Variants in HHAT observed in about 807,000 individuals in gnomAD.
HHAT encodes the protein protein-cysteine N-palmitoyltransferase HHAT.
A neutral mutation model predicts 70.8 loss-of-function variants in HHAT; 47 were observed. The observed-to-expected ratio is 0.66, with a 90% CI of 0.53 to 0.85. The LOEUF (loss-of-function observed/expected upper bound fraction) is 0.85. Among genes scored for constraint, HHAT ranks in the 40% least tolerant of loss-of-function variants. The pLI, the probability that HHAT is intolerant of heterozygous loss-of-function variation, is 0.00. For missense variants in HHAT, 609 were observed against 604.8 expected, an observed-to-expected ratio of 1.01 and a Z score of -0.07; for synonymous variants, 228 against 247.6, an observed-to-expected ratio of 0.92 and a Z score of 0.74.
At chr1:210,570,840 G>A (rs1200248141) in intron 9 of HHAT, among the ~76,000 whole-genome samples, 4 of 152,142 alleles carry the variant, frequency 2.6e-5, no homozygotes, top group African/African-American at 9.7e-5. Flanking sequence ...TAGGAATATT[G>A]GCCCCACAGG....
chr1:210,371,923 T>A (rs537668700), intron 3 of HHAT, among the ~76,000 whole-genome samples: 4 of 152,220 alleles, frequency 2.6e-5, no homozygotes, highest in Non-Finnish European at 5.9e-5. Context: ...CTGTTGAGAA[T>A]GGTGAGAAAT....
rs1335516276 is a variant in HHAT at position 210,492,465 on chromosome 1, G to T, written c.1008-20688G>T. On this transcript the variant is annotated intron_variant, in intron 8 of 11. Transcript: ENST00000261458. ...TGGATGGTTAGATGGGGGGAGGCAT[G>T]GATGAGTGAAGGCACTTTGAGAGAT... Among the ~76,000 whole-genome samples, 7 of 152,294 alleles carry T rather than the reference G, an allele frequency of 4.6e-5. No homozygotes were observed. In the East Asian group the frequency reaches 1.4e-3, roughly 29 times the overall value.
At chr1:210,478,096 G>A (rs1458268683) in intron 8 of HHAT, among the ~76,000 whole-genome samples, 1 of 152,176 alleles carries the variant, frequency 6.6e-6, no homozygotes. Context: ...GATTTCTCAA[G>A]TGAGTTCCTA....
chr1:210,605,312 T>C (rs1391979275), intron 10 of HHAT, among the ~76,000 whole-genome samples: 1 of 152,172 alleles, frequency 6.6e-6, no homozygotes, highest in African/African-American at 2.4e-5. Context: ...TCAAACCCAG[T>C]TATACATGAT....
intron 9 of HHAT, among the ~76,000 whole-genome samples, chr1:210,517,084 A>G (rs1295250640): frequency 6.6e-6 from 1 of 152,224 alleles, no homozygotes; most frequent in Admixed American, 6.5e-5. Context: ...TGGCCTCAGA[A>G]GAAGCCTACT....
intron 9 of HHAT, among the ~76,000 whole-genome samples, chr1:210,549,396 G>A (rs969696183): frequency 1.3e-5 from 2 of 148,574 alleles, no homozygotes; most frequent in Admixed American, 1.4e-4. Flanking sequence ...TTGTGGGGAG[G>A]TTTATATTCA....
At chr1:210,571,150 T>G (rs1656183157) in intron 9 of HHAT, among the ~76,000 whole-genome samples, 1 of 152,236 alleles carries the variant, frequency 6.6e-6, no homozygotes, top group South Asian at 2.1e-4. Context: ...CAGCTACTTC[T>G]GCCCTTCACC....
intron 10 of HHAT, among the ~76,000 whole-genome samples, chr1:210,600,855 T>C (rs1402599628): frequency 6.6e-6 from 1 of 152,088 alleles, no homozygotes; most frequent in Non-Finnish European, 1.5e-5. Context: ...GAAGAGTCTA[T>C]ATCTCAAATA....
intron 9 of HHAT, among the ~76,000 whole-genome samples, chr1:210,578,924 C>A (rs937845277): frequency 6.6e-6 from 1 of 152,134 alleles, no homozygotes; most frequent in African/African-American, 2.4e-5. Context: ...CCATCAATGG[C>A]AGATTGGATA....
At chr1:210,637,726 G>A (rs1672142919) in intron 11 of HHAT, among the ~76,000 whole-genome samples, 1 of 152,082 alleles carries the variant, frequency 6.6e-6, no homozygotes, top group African/African-American at 2.4e-5. Context: ...TGAGCATGGG[G>A]GCACACGCCT....
chr1:210,458,208 C>A (rs575557303), intron 7 of HHAT, among the ~76,000 whole-genome samples: 1 of 152,248 alleles, frequency 6.6e-6, no homozygotes, highest in South Asian at 2.1e-4. Context: ...CCTAATCAAT[C>A]TTTGCTTTCT....
chr1:210,668,754 C>A (rs1455325369), intron 11 of HHAT, among the ~76,000 whole-genome samples: 1 of 152,064 alleles, frequency 6.6e-6, no homozygotes, highest in African/African-American at 2.4e-5. Context: ...TGTACCATTT[C>A]ATATTACCTT....
intron 10 of HHAT, among the ~76,000 whole-genome samples, chr1:210,603,514 C>T (rs990919030): frequency 6.6e-6 from 1 of 152,050 alleles, no homozygotes; most frequent in African/African-American, 2.4e-5. Context: ...CCCCTAAATC[C>T]AAATTACCCA....
At chr1:210,602,502 A>G (rs995663865) in intron 10 of HHAT, among the ~76,000 whole-genome samples, 2 of 152,184 alleles carry the variant, frequency 1.3e-5, no homozygotes, top group Admixed American at 6.5e-5. Context: ...GAAGTCAGGC[A>G]TGGGCATTCT....
chr1:210,426,009 C>T (rs1221153578), intron 7 of HHAT, among the ~76,000 whole-genome samples: 1 of 152,072 alleles, frequency 6.6e-6, no homozygotes, highest in African/African-American at 2.4e-5. Context: ...TGTATCATCT[C>T]TGGTTTCTTT....
At chr1:210,333,627 G>A (rs958650073) in intron 1 of HHAT, among the ~76,000 whole-genome samples, 3 of 151,888 alleles carry the variant, frequency 2.0e-5, no homozygotes, top group African/African-American at 7.3e-5. Flanking sequence ...ACTTTTACTG[G>A]TGACATTCGT....
intron 6 of HHAT, 86 bp downstream of exon 6, chr1:210,404,765 T>TAACA: frequency 9.0e-7 from 1 of 1,105,340 alleles, no homozygotes. Context: ...CTTGAGTCGT[T>TAACA]TTGTTCAGAG....
intron 11 of HHAT, among the ~76,000 whole-genome samples, chr1:210,647,143 A>T (rs1254093395): frequency 6.6e-6 from 1 of 152,154 alleles, no homozygotes; most frequent in Non-Finnish European, 1.5e-5. Flanking sequence ...ACTTGGTAGA[A>T]TCCTGCCTTG....
At chr1:210,637,905 C>CAG (rs2148904972) in intron 11 of HHAT, among the ~76,000 whole-genome samples, 1 of 150,402 alleles carries the variant, frequency 6.6e-6, no homozygotes, top group African/African-American at 2.4e-5. Context: ...GATATGTATG[C>CAG]AGAGAAGATC....
Sources: allele counts gnomAD v4.1 joint callset (sites outside exome capture counted in the v4.1 genomes callset), GRCh38; gene constraint gnomAD v4.1.1; transcripts MANE v1.5; gene names NCBI Gene and HGNC (gene_info 2026-07-23, HGNC 2026-07-21).